The following SLC16A2 variants were observed in gnomAD, a reference collection of about 807,000 sequenced individuals.
SLC16A2 encodes solute carrier family 16 member 2, also known as monocarboxylate transporter 8.
Under a neutral mutation model 27.2 loss-of-function variants are expected in SLC16A2, and 3 were observed. That is an observed-to-expected ratio of 0.11 (90% CI 0.05 to 0.28). The LOEUF (loss-of-function observed/expected upper bound fraction) is 0.28, where lower values mean the gene tolerates loss of function less well. Among genes scored for constraint, SLC16A2 ranks in the 10% least tolerant of loss-of-function variants. The probability of loss-of-function intolerance (pLI) is 1.00; values close to 1 mark genes in which losing one functional copy is unlikely to be tolerated. For missense variants in SLC16A2, 295 were observed against 458.5 expected, an observed-to-expected ratio of 0.64 and a Z score of 3.26; for synonymous variants, 202 against 187.8, an observed-to-expected ratio of 1.08 and a Z score of -0.62.
At chrX:74,507,993 TCC>T (rs1194996460) in intron 1 of SLC16A2, among the ~76,000 whole-genome samples, 2 of 112,180 alleles carry the variant, frequency 1.8e-5, no homozygotes, top group Non-Finnish European at 3.8e-5. Context: ...TGATTTTCTT[TCC>T]TTTGGATAAA....
intron 1 of SLC16A2, among the ~76,000 whole-genome samples, chrX:74,468,658 A>G (rs1929296515): frequency 1.8e-5 from 2 of 111,936 alleles, no homozygotes; most frequent in African/African-American, 6.5e-5. Flanking sequence ...GTTGGATGAT[A>G]TGGTACAATT....
At position 74,421,877 on chromosome X, in the gene SLC16A2, G is replaced by C; in HGVS notation, c.240G>C (p.Thr80=). 8.3e-7 allele frequency: 1 copy of C among 1,209,166 alleles called. No homozygotes were observed. The highest frequency in any genetic ancestry group is 1.1e-6 in the Non-Finnish European group (1 of 894,286). ...AGCGGGTGCACGAACCCGAGCCCAC[G>C]CCTACGGTAGAGACCCGCGGCACCG... is the stretch of plus-strand genomic sequence containing the variant. ...ESERVHEPEP[T]PTVETRGTAR... The change falls in exon 1 of 6, where the codon ACG becomes ACC. Residue 80 remains threonine, a synonymous_variant. Coordinates refer to ENST00000587091, the MANE Select transcript of SLC16A2 (RefSeq NM_006517.5).
At chrX:74,422,146 G>C in intron 1 of SLC16A2, 79 bp downstream of exon 1, 1 of 1,002,975 alleles carries the variant, frequency 1.0e-6, no homozygotes, top group Non-Finnish European at 1.4e-6. Flanking sequence ...ATACCTCCCG[G>C]TCCGAGGCGC....
At chrX:74,465,195 T>C (rs1036789482) in intron 1 of SLC16A2, among the ~76,000 whole-genome samples, 5 of 112,258 alleles carry the variant, frequency 4.5e-5, no homozygotes, top group African/African-American at 1.6e-4. Context: ...CTTATTTTAT[T>C]TTACATTTCC....
chrX:74,459,549 TTC>T (rs1243800100), intron 1 of SLC16A2, among the ~76,000 whole-genome samples: 1 of 109,944 alleles, frequency 9.1e-6, no homozygotes, highest in Non-Finnish European at 1.9e-5. Context: ...CTTAGATACA[TTC>T]TGTTTTCTCA....
At chrX:74,443,540 C>G (rs1928789395) in intron 1 of SLC16A2, among the ~76,000 whole-genome samples, 1 of 112,492 alleles carries the variant, frequency 8.9e-6, no homozygotes, top group African/African-American at 3.2e-5. Flanking sequence ...ACTCAGCTGC[C>G]TCACTCCTGG....
intron 1 of SLC16A2, among the ~76,000 whole-genome samples, chrX:74,495,790 G>C (rs1366009227): frequency 9.0e-6 from 1 of 111,097 alleles, no homozygotes; most frequent in Non-Finnish European, 1.9e-5. Flanking sequence ...TTCTGTCTCT[G>C]AGCCTTGTTT....
intron 2 of SLC16A2, among the ~76,000 whole-genome samples, chrX:74,523,377 C>A (rs1294674470): frequency 8.9e-6 from 1 of 112,380 alleles, no homozygotes; most frequent in Non-Finnish European, 1.9e-5. Flanking sequence ...AACTGCCTGA[C>A]CAAGAAGAGT....
At chrX:74,464,146 G>A (rs1194550302) in intron 1 of SLC16A2, among the ~76,000 whole-genome samples, 2 of 112,142 alleles carry the variant, frequency 1.8e-5, no homozygotes, top group Non-Finnish European at 3.8e-5. Context: ...GTATTACATT[G>A]TGTTGATAAC....
chrX:74,456,310 G>A (rs572010620), intron 1 of SLC16A2, among the ~76,000 whole-genome samples: 2 of 111,457 alleles, frequency 1.8e-5, no homozygotes, highest in South Asian at 7.7e-4. Context: ...GGCCAGGCCC[G>A]AGCTTGGAAA....
chrX:74,437,792 AAG>A (rs1269255350), intron 1 of SLC16A2, among the ~76,000 whole-genome samples: 8 of 111,780 alleles, frequency 7.2e-5, no homozygotes, highest in Non-Finnish European at 1.1e-4. Flanking sequence ...AGGCAGCAAG[AAG>A]AGAGAATAGG....
intron 1 of SLC16A2, among the ~76,000 whole-genome samples, chrX:74,516,839 G>GA (rs764562659): frequency 2.0e-4 from 22 of 109,775 alleles, no homozygotes; most frequent in Admixed American, 1.6e-3. Flanking sequence ...AGAGTGGATA[G>GA]AAAAAAAAAT....
Position 74,531,576 on chromosome X carries a change from C to A in SLC16A2, c.*23C>A. On this transcript the variant is annotated 3_prime_UTR_variant, in exon 6 of 6. Coordinates refer to ENST00000587091, the MANE Select transcript of SLC16A2 (RefSeq NM_006517.5). Reference sequence around the variant, plus strand: ...TAATGCCTTTCTTGCCATTGTGTGCCCTTTCCCAGCTCTTCCCCTTCATCC... The same window carrying A: ...TAATGCCTTTCTTGCCATTGTGTGCACTTTCCCAGCTCTTCCCCTTCATCC... The A allele has an allele frequency of 8.9e-7, 1 of 1,119,037 alleles. No homozygotes were observed. Among genetic ancestry groups the A allele is most frequent in the Non-Finnish European group, 1.2e-6 (1 of 812,019 alleles). The allele number at this position is 1,119,037 out of a possible 1,213,427, so 92.2% of individuals were successfully genotyped here.
chrX:74,486,170 T>C (rs769773358), intron 1 of SLC16A2, among the ~76,000 whole-genome samples: 2 of 111,886 alleles, frequency 1.8e-5, no homozygotes, highest in Non-Finnish European at 3.8e-5. Flanking sequence ...TACTACCTGA[T>C]TGGTCAGGTG....
At chrX:74,493,518 G>C (rs1012015996) in intron 1 of SLC16A2, among the ~76,000 whole-genome samples, 1 of 111,904 alleles carries the variant, frequency 8.9e-6, no homozygotes, top group East Asian at 2.8e-4. Flanking sequence ...TCTGCTTCCC[G>C]TCCCCGAAGG....
intron 1 of SLC16A2, among the ~76,000 whole-genome samples, chrX:74,479,402 T>A (rs1428010142): frequency 9.0e-6 from 1 of 111,294 alleles, no homozygotes; most frequent in Non-Finnish European, 1.9e-5. Flanking sequence ...TTTTTCAAGG[T>A]TTTTAACTTC....
At chrX:74,524,225 C>G in intron 2 of SLC16A2, 134 bp from the exon 3 acceptor site, 1 of 626,179 alleles carries the variant, frequency 1.6e-6, no homozygotes, top group Non-Finnish European at 2.6e-6. Flanking sequence ...TCTTCTTTGT[C>G]TGTTCTGAGG....
intron 1 of SLC16A2, among the ~76,000 whole-genome samples, chrX:74,437,222 GAGA>G (rs72056171): frequency 0.31 from 34,565 of 111,324 alleles, 4,529 homozygotes; most frequent in African/African-American, 0.5. Context: ...GCCAGGGGAA[GAGA>G]AGGACAAATG....
chrX:74,451,363 T>A (rs1186000777), intron 1 of SLC16A2, among the ~76,000 whole-genome samples: 2 of 112,112 alleles, frequency 1.8e-5, no homozygotes, highest in African/African-American at 6.5e-5. Context: ...TACTCATACC[T>A]CCCTCCTCCT....
Sources: allele counts gnomAD v4.1 joint callset (sites outside exome capture counted in the v4.1 genomes callset), GRCh38; gene constraint gnomAD v4.1.1; transcripts MANE v1.5; gene names NCBI Gene and HGNC (gene_info 2026-07-23, HGNC 2026-07-21).